The following CCDC170 variants were observed in gnomAD, a reference collection of about 807,000 sequenced individuals.
CCDC170 encodes the protein coiled-coil domain-containing protein 170.
In CCDC170, 69 loss-of-function variants were observed where a neutral mutation model predicts 72.6. The observed-to-expected ratio is 0.95, with a 90% CI of 0.78 to 1.16. The LOEUF is 1.16. Ranked by LOEUF, CCDC170 falls within the 50% of genes most tolerant of loss-of-function variation. CCDC170 has a pLI of 0.00. For missense variants in CCDC170, 852 were observed against 832.5 expected, an observed-to-expected ratio of 1.02 and a Z score of -0.29; for synonymous variants, 300 against 303.9, an observed-to-expected ratio of 0.99 and a Z score of 0.13.
Position 151,618,119 on chromosome 6 carries a change from C to G in CCDC170, c.2120C>G (p.Pro707Arg), listed in dbSNP as rs752235686. The G allele has an allele frequency of 1.2e-6, 2 of 1,614,092 alleles. No individual in the cohort carries two copies. The highest frequency in any genetic ancestry group is 1.7e-6 in the Non-Finnish European group (2 of 1,180,020). Reference protein sequence around the residue: ...KDVTTGQERHPQGHLQLLH With the variant: ...KDVTTGQERHRQGHLQLLH ...GTGACTACTGGGCAAGAGAGGCACC[C>G]ACAAGGCCATTTACAGCTTCTTCAT... Residue 707 changes from proline (P) to arginine (R), a missense_variant, in exon 11 of 11, where the codon CCA (proline) becomes CGA (arginine). Coordinates refer to ENST00000239374, the MANE Select transcript of CCDC170 (RefSeq NM_025059.4).
At chr6:151,532,150 G>C (rs1008542985) in intron 1 of CCDC170, among the ~76,000 whole-genome samples, 2 of 130,332 alleles carry the variant, frequency 1.5e-5, no homozygotes, top group South Asian at 2.5e-4. Flanking sequence ...CAAAACCCAG[G>C]AGAATCTATT....
chr6:151,565,871 T>G (rs963225469), intron 5 of CCDC170, among the ~76,000 whole-genome samples: 10 of 152,362 alleles, frequency 6.6e-5, no homozygotes, highest in African/African-American at 2.4e-4. Context: ...AATAACATGA[T>G]TATATAAATA....
intron 2 of CCDC170, among the ~76,000 whole-genome samples, chr6:151,536,815 C>T (rs1380302635): frequency 2.1e-5 from 3 of 145,586 alleles, no homozygotes; most frequent in African/African-American, 7.6e-5. Flanking sequence ...GAAAAAGAGA[C>T]AGAATGTAGG....
chr6:151,536,114 T>G lies in CCDC170; in HGVS notation c.58-204T>G, dbSNP rs548412874. Among the ~76,000 whole-genome samples, 3 of 152,252 alleles carry G rather than the reference T, an allele frequency of 2.0e-5. No homozygotes were observed. The South Asian group carries it at 6.2e-4, about 32-fold the overall frequency. The stretch of plus-strand genomic sequence containing the variant: ...TCACCATCCTGGAGGAGCACATCAT[T>G]TGTTCCCGAACTTTCTCCTGCTTCC... On this transcript the variant is annotated intron_variant, in intron 1 of 10. Coordinates refer to ENST00000239374, the MANE Select transcript of CCDC170 (RefSeq NM_025059.4).
chr6:151,567,553 T>C (rs1181637418), intron 5 of CCDC170, among the ~76,000 whole-genome samples: 1 of 152,174 alleles, frequency 6.6e-6, no homozygotes, highest in Non-Finnish European at 1.5e-5. Flanking sequence ...GTTTTCAAAA[T>C]CCATCTTCAA....
At chr6:151,581,343 C>A (rs1776376755) in intron 6 of CCDC170, among the ~76,000 whole-genome samples, 1 of 152,184 alleles carries the variant, frequency 6.6e-6, no homozygotes, top group African/African-American at 2.4e-5. Flanking sequence ...CAACAATGTT[C>A]AAGCATCTTC....
Position 151,613,064 on chromosome 6 carries a change from T to G in CCDC170, c.1711-2379T>G, listed in dbSNP as rs531146814. ...AAAGAGCTTCCTTGTAAATGCACTTTCAAATAAGAGTTTTATTAAGATACA... is the reference window on the plus strand; with the variant it reads ...AAAGAGCTTCCTTGTAAATGCACTTGCAAATAAGAGTTTTATTAAGATACA... On this transcript the variant is annotated intron_variant, in intron 9 of 10. Transcript: ENST00000239374. Among the ~76,000 whole-genome samples, 107 of 152,256 alleles carry G rather than the reference T, an allele frequency of 7.0e-4. 1 individual carries two copies. In the Middle Eastern group the frequency reaches 0.014, roughly 19 times the overall value.
intron 1 of CCDC170, among the ~76,000 whole-genome samples, chr6:151,504,765 A>G (rs117881594): frequency 0.011 from 1,619 of 151,910 alleles, 9 homozygotes; most frequent in Admixed American, 0.016. Context: ...GTCTCTAGTT[A>G]GAGATGCAGA....
chr6:151,553,444 T>C (rs1250070556), intron 5 of CCDC170, among the ~76,000 whole-genome samples: 1 of 152,198 alleles, frequency 6.6e-6, no homozygotes, highest in Non-Finnish European at 1.5e-5. Context: ...AATTCAATTA[T>C]AACTAGTAGT....
At chr6:151,494,724 TGC>T (rs1562818842) in intron 1 of CCDC170, among the ~76,000 whole-genome samples, 1 of 152,162 alleles carries the variant, frequency 6.6e-6, no homozygotes, top group Non-Finnish European at 1.5e-5. Flanking sequence ...GATGTACCAA[TGC>T]GCGCGCGCAC....
chr6:151,506,264 A>G (rs1005861450), intron 1 of CCDC170, among the ~76,000 whole-genome samples: 2 of 152,236 alleles, frequency 1.3e-5, no homozygotes, highest in African/African-American at 4.8e-5. Context: ...TAGAATTGAC[A>G]ATTAGAATTT....
intron 6 of CCDC170, among the ~76,000 whole-genome samples, chr6:151,577,786 G>T (rs1776325255): frequency 6.6e-6 from 1 of 152,228 alleles, no homozygotes; most frequent in Non-Finnish European, 1.5e-5. Context: ...ATCAGCAGCG[G>T]CATTAGATTC....
chr6:151,553,899 A>G (rs9397427), intron 5 of CCDC170, among the ~76,000 whole-genome samples: 24,089 of 152,108 alleles, frequency 0.16, 2,398 homozygotes, highest in East Asian at 0.5. Flanking sequence ...CTAAAGCTCT[A>G]TTTTTGAGGT....
chr6:151,513,127 G>A (rs34877115), intron 1 of CCDC170, among the ~76,000 whole-genome samples: 8,955 of 152,208 alleles, frequency 0.059, 323 homozygotes, highest in Middle Eastern at 0.15. Context: ...ATGTCGAATC[G>A]CGGGAGAGTA....
At chr6:151,608,672 G>C (rs1776822030) in intron 9 of CCDC170, among the ~76,000 whole-genome samples, 4 of 152,176 alleles carry the variant, frequency 2.6e-5, no homozygotes, top group African/African-American at 9.7e-5. Context: ...ATGCATGGCA[G>C]GCTGTTCCTT....
intron 5 of CCDC170, among the ~76,000 whole-genome samples, chr6:151,560,782 T>G (rs1401171234): frequency 2.0e-5 from 3 of 152,186 alleles, no homozygotes; most frequent in Non-Finnish European, 4.4e-5. Context: ...TAGCAACTTT[T>G]GCTCTTTTCT....
intron 6 of CCDC170, among the ~76,000 whole-genome samples, chr6:151,578,148 C>T (rs151196676): frequency 8.8e-4 from 134 of 152,284 alleles, no homozygotes; most frequent in African/African-American, 3.0e-3. Context: ...GCGGTTGCTC[C>T]GGGCTACAGA....
intron 6 of CCDC170, among the ~76,000 whole-genome samples, chr6:151,581,879 A>G (rs548429019): frequency 1.3e-4 from 20 of 152,314 alleles, no homozygotes; most frequent in African/African-American, 4.8e-4. Flanking sequence ...ATATTTTGAA[A>G]GGAATCTTTT....
chr6:151,600,066 C>G (rs1217857481), intron 9 of CCDC170, among the ~76,000 whole-genome samples: 1 of 152,162 alleles, frequency 6.6e-6, no homozygotes, highest in Non-Finnish European at 1.5e-5. Context: ...AATGTTAAGT[C>G]TTCCTTCCAG....
Sources: allele counts gnomAD v4.1 joint callset (sites outside exome capture counted in the v4.1 genomes callset), GRCh38; gene constraint gnomAD v4.1.1; transcripts MANE v1.5; gene names NCBI Gene and HGNC (gene_info 2026-07-23, HGNC 2026-07-21).